NRCAM: variants seen among roughly 807,000 people sequenced by gnomAD.
The protein encoded by NRCAM is neuronal cell adhesion molecule.
Under a neutral mutation model 156.5 loss-of-function variants are expected in NRCAM, and 83 were observed. That is an observed-to-expected ratio of 0.53 (90% CI 0.44 to 0.64). NRCAM has a LOEUF of 0.64. Ranked by LOEUF, NRCAM falls within the 30% of genes least tolerant of loss-of-function variation. NRCAM has a pLI of 0.00. For synonymous variants in NRCAM, 538 were observed against 563.9 expected (o/e 0.95, Z 0.65); for missense variants, 1,417 against 1,597.3 (o/e 0.89, Z 1.92).
chr7:108,366,744 A>ATTT (rs2099594018), intron 2 of NRCAM, among the ~76,000 whole-genome samples: 1 of 152,224 alleles, frequency 6.6e-6, no homozygotes, highest in African/African-American at 2.4e-5. Context: ...TAAATACCTA[A>ATTT]TTGCAAGCTA....
chr7:108,187,206 C>G (rs115768172), intron 20 of NRCAM, among the ~76,000 whole-genome samples: 4 of 152,110 alleles, frequency 2.6e-5, no homozygotes, highest in African/African-American at 9.7e-5. Context: ...CTGTTAAAAC[C>G]CTCCAAGGGC....
intron 2 of NRCAM, among the ~76,000 whole-genome samples, chr7:108,389,681 T>A (rs1035108786): frequency 8.5e-5 from 13 of 152,226 alleles, no homozygotes; most frequent in Non-Finnish European, 1.3e-4. Flanking sequence ...AGTATGATAT[T>A]GGCTATGGGT....
intron 3 of NRCAM, among the ~76,000 whole-genome samples, chr7:108,293,812 G>A (rs1285541964): frequency 6.6e-6 from 1 of 152,166 alleles, no homozygotes; most frequent in African/African-American, 2.4e-5. Context: ...TACGTAACTT[G>A]TATAAGATCA....
intron 32 of NRCAM, among the ~76,000 whole-genome samples, chr7:108,154,473 T>C (rs1484165093): frequency 6.6e-6 from 1 of 152,196 alleles, no homozygotes; most frequent in Admixed American, 6.5e-5. Context: ...ATAACAGTTA[T>C]CATTAATGAC....
chr7:108,340,200 A>G (rs2099259951), intron 2 of NRCAM, among the ~76,000 whole-genome samples: 2 of 137,964 alleles, frequency 1.4e-5, no homozygotes, highest in African/African-American at 2.8e-5. Flanking sequence ...ATGGTCCAAA[A>G]GGAGATAGAC....
chr7:108,226,461 A>ATAAT (rs1220180380), intron 8 of NRCAM, 83 bp from the exon 9 acceptor site: 2 of 909,844 alleles, frequency 2.2e-6, no homozygotes, highest in Admixed American at 4.3e-5. Flanking sequence ...GTACCTACTA[A>ATAAT]TAGGTCTGTG....
At chr7:108,409,424 A>G (rs980544902) in intron 1 of NRCAM, among the ~76,000 whole-genome samples, 13 of 152,148 alleles carry the variant, frequency 8.5e-5, no homozygotes, top group Admixed American at 6.5e-5. Context: ...AGCTTCTGAC[A>G]CTTCCTTCCC....
At chr7:108,342,832 G>T (rs545952456) in intron 2 of NRCAM, among the ~76,000 whole-genome samples, 2 of 152,190 alleles carry the variant, frequency 1.3e-5, no homozygotes, top group African/African-American at 4.8e-5. Flanking sequence ...GACATCTCAT[G>T]ATGTGAATGG....
At chr7:108,409,522 T>A (rs1008286703) in intron 1 of NRCAM, among the ~76,000 whole-genome samples, 1 of 152,170 alleles carries the variant, frequency 6.6e-6, no homozygotes, top group African/African-American at 2.4e-5. Flanking sequence ...CAATTCCATT[T>A]TCACCCCGGT....
chr7:108,427,440 T>C (rs1340943789), intron 1 of NRCAM, among the ~76,000 whole-genome samples: 1 of 152,244 alleles, frequency 6.6e-6, no homozygotes, highest in Non-Finnish European at 1.5e-5. Context: ...ATTTAGTTAT[T>C]GTTCGGCCCA....
chr7:108,419,159 G>A (rs150432444), intron 1 of NRCAM, among the ~76,000 whole-genome samples: 1 of 152,078 alleles, frequency 6.6e-6, no homozygotes, highest in African/African-American at 2.4e-5. Flanking sequence ...CCTCATCCCC[G>A]TAACTGTTCT....
chr7:108,302,715 T>C (rs2098646354), intron 3 of NRCAM, among the ~76,000 whole-genome samples: 1 of 152,152 alleles, frequency 6.6e-6, no homozygotes, highest in Non-Finnish European at 1.5e-5. Flanking sequence ...AAAGCAATAA[T>C]TTCCTAACTG....
At chr7:108,411,495 G>A (rs1039184848) in intron 1 of NRCAM, among the ~76,000 whole-genome samples, 2 of 152,126 alleles carry the variant, frequency 1.3e-5, no homozygotes, top group African/African-American at 4.8e-5. Flanking sequence ...TACAACATGT[G>A]TTGAGATTGT....
At chr7:108,184,664 T>C (rs427909) in intron 20 of NRCAM, 50 bp from the exon 21 acceptor site, 1,182,576 of 1,554,008 alleles carry the variant, frequency 0.76, 455,805 homozygotes, top group East Asian at 0.95. Flanking sequence ...TTCAGTCAAC[T>C]CAGGGGTAGC....
In NRCAM at chr7:108,232,491, C is replaced by G; in HGVS notation, c.262G>C (p.Asp88His). ...FSWTRNGTHF[D>H]IDKDPLVTMK... is the part of the protein sequence containing the mutation. The stretch of plus-strand genomic sequence containing the variant: ...GTGACCAGAGGGTCTTTATCGATGT[C>G]AAAATGAGTCCCATTACGGGTCCAG... The change falls in exon 7 of 33, where the codon GAC becomes CAC. Residue 88 changes from aspartate to histidine, a missense_variant. This residue lies in a region of NRCAM where 1,238 missense variants were observed against 1,336.4 expected (regional missense o/e 0.93). Coordinates refer to ENST00000379028, the MANE Select transcript of NRCAM (RefSeq NM_001037132.4). 6.2e-7 allele frequency: 1 copy of G among 1,612,296 alleles called. No individual in the cohort carries two copies.
In NRCAM at chr7:108,428,804, T is replaced by C. The variant is rs527658382; in HGVS notation, c.-332+27439A>G. ...TTCTCCCATCTTACTTCGTTTGCACTTATTTTCAGTTCCTGTTTGGTTGGC... is the reference window on the plus strand; with the variant it reads ...TTCTCCCATCTTACTTCGTTTGCACCTATTTTCAGTTCCTGTTTGGTTGGC... On this transcript the variant is annotated intron_variant, in intron 1 of 32. Coordinates refer to ENST00000379028, the MANE Select transcript of NRCAM (RefSeq NM_001037132.4). Among the ~76,000 whole-genome samples, 11 of 152,364 alleles carry C rather than the reference T, an allele frequency of 7.2e-5. No individual in the cohort carries two copies. The South Asian group carries it at 2.3e-3, about 32-fold the overall frequency.
At chr7:108,401,423 C>T (rs867227048) in intron 1 of NRCAM, among the ~76,000 whole-genome samples, 2 of 151,964 alleles carry the variant, frequency 1.3e-5, no homozygotes, top group Admixed American at 1.3e-4. Flanking sequence ...CACCTGTGGT[C>T]CCCGCTACTC....
chr7:108,177,349 C>T (rs369935592), intron 26 of NRCAM, among the ~76,000 whole-genome samples: 6 of 152,050 alleles, frequency 3.9e-5, no homozygotes, highest in Admixed American at 1.3e-4. Context: ...GAAGGCTGGG[C>T]GCAGTGGCTC....
chr7:108,165,428 G>A (rs192686920), intron 30 of NRCAM, among the ~76,000 whole-genome samples: 15 of 152,298 alleles, frequency 9.8e-5, no homozygotes, highest in African/African-American at 3.6e-4. Context: ...CTGCTGTATA[G>A]GAGAGCTGAC....
Sources: gnomAD v4.1 joint callset for allele counts (sites outside exome capture counted in the v4.1 genomes callset) on GRCh38, gnomAD v4.1.1 for gene constraint, gnomAD v4.1.1 regional missense constraint, MANE v1.5 for transcripts, NCBI Gene and HGNC (gene_info 2026-07-23, HGNC 2026-07-21) for gene names.